Variants in ADAMTS19 observed in about 807,000 individuals in gnomAD.
ADAMTS19 encodes the protein ADAM metallopeptidase with thrombospondin type 1 motif 19.
A neutral mutation model predicts 153.3 loss-of-function variants in ADAMTS19; 93 were observed. The ratio of observed to expected loss-of-function variants is 0.61; its 90% confidence interval spans 0.51 to 0.72. ADAMTS19 has a LOEUF of 0.72. Among genes scored for constraint, ADAMTS19 ranks in the 30% least tolerant of loss-of-function variants. The probability of loss-of-function intolerance (pLI) is 0.00; values close to 1 mark genes in which losing one functional copy is unlikely to be tolerated. For missense variants in ADAMTS19, 1,482 were observed against 1,552.1 expected, an observed-to-expected ratio of 0.95 and a Z score of 0.76; for synonymous variants, 600 against 556.6, an observed-to-expected ratio of 1.08 and a Z score of -1.10.
chr5:129,707,199 T>C (rs1756202333), intron 21 of ADAMTS19, among the ~76,000 whole-genome samples: 1 of 152,178 alleles, frequency 6.6e-6, no homozygotes, highest in African/African-American at 2.4e-5. Flanking sequence ...CACTCAAGTT[T>C]GCATGGACTT....
chr5:129,584,703 G>C (rs149925202), intron 7 of ADAMTS19, among the ~76,000 whole-genome samples: 4,282 of 152,208 alleles, frequency 0.028, 203 homozygotes, highest in African/African-American at 0.097. Context: ...ACTGTGAGGG[G>C]TAAACCGCCT....
rs139295078 is a variant in ADAMTS19, at chr5:129,629,189, A to G, written c.1770+6841A>G. The stretch of plus-strand genomic sequence containing the variant: ...AAATATTTGATGAATAAGTGAATCG[A>G]TTGAATAATGGAGTACTGATTCTAA... On this transcript the variant is annotated intron_variant, in intron 10 of 22. Coordinates refer to ENST00000274487, the MANE Select transcript of ADAMTS19 (RefSeq NM_133638.6). Among the ~76,000 whole-genome samples the G allele has an allele frequency of 8.7e-4, 132 of 152,260 alleles. 1 individual carries two copies. The highest frequency in any genetic ancestry group is 4.1e-3 in the Admixed American group (63 of 15,272).
intron 21 of ADAMTS19, among the ~76,000 whole-genome samples, chr5:129,729,395 A>G (rs1235089471): frequency 6.6e-6 from 1 of 151,892 alleles, no homozygotes; most frequent in Non-Finnish European, 1.5e-5. Flanking sequence ...CATTTTCCAT[A>G]TATTTGTAAT....
chr5:129,533,560 A>G (rs951937806), intron 6 of ADAMTS19, among the ~76,000 whole-genome samples: 1 of 152,028 alleles, frequency 6.6e-6, no homozygotes, highest in Non-Finnish European at 1.5e-5. Context: ...GGATTCATTG[A>G]TTTTTTGAAG....
intron 2 of ADAMTS19, among the ~76,000 whole-genome samples, chr5:129,494,183 T>C (rs555455713): frequency 6.6e-6 from 1 of 152,294 alleles, no homozygotes; most frequent in African/African-American, 2.4e-5. Flanking sequence ...ATTTGAATTA[T>C]AAACAGAGAA....
rs956990830 is a variant in ADAMTS19 at position 129,461,176 on chromosome 5, C to A, written c.166C>A (p.Pro56Thr). Residue 56 changes from proline (P) to threonine (T), a missense_variant, in exon 2 of 23, where the codon CCG (proline) becomes ACG (threonine). By Grantham distance (38) the Pro-to-Thr change is conservative. This residue lies in a region of ADAMTS19 where 866 missense variants were observed against 827.7 expected (regional missense o/e 1.05). Coordinates refer to ENST00000274487, the MANE Select transcript of ADAMTS19 (RefSeq NM_133638.6). The surrounding 1 kb of genome is among the most constrained non-coding windows in gnomAD (Gnocchi z 4.6). ...GCTCTGGCGCCGGGAGCCGGTGGACCCGGCTGGCGGCAGCGGGGGCAGCGC... is the reference window on the plus strand; with the variant it reads ...GCTCTGGCGCCGGGAGCCGGTGGACACGGCTGGCGGCAGCGGGGGCAGCGC... ...PALWRREPVD[P>T]AGGSGGSADP... 235 of 1,374,020 alleles carry A rather than the reference C, an allele frequency of 1.7e-4. No individual in the cohort carries two copies. Among genetic ancestry groups the A allele is most frequent in the Non-Finnish European group, 2.1e-4 (228 of 1,060,976 alleles). 85.1% of individuals were successfully genotyped at this position (1,374,020 alleles called of 1,614,324 possible).
rs1297293431 is a variant in ADAMTS19 at position 129,679,928 on chromosome 5, G to A, written c.2664+7G>A. The A allele has an allele frequency of 6.2e-7, 1 of 1,609,232 alleles. No individual in the cohort carries two copies. The highest frequency in any genetic ancestry group is 1.7e-5 in the Admixed American group (1 of 58,880). On this transcript the variant is annotated splice_region_variant and intron_variant, in intron 17 of 22. Transcript: ENST00000274487. ...AGCACCTTTACATCTTCTGGTATGA[G>A]GGAATGAATTGATAACATGGCATAA...
chr5:129,688,369 A>T (rs30638), intron 18 of ADAMTS19, among the ~76,000 whole-genome samples: 17,271 of 152,134 alleles, frequency 0.11, 1,260 homozygotes, highest in East Asian at 0.3. Flanking sequence ...ATAAGATGTT[A>T]TTTTTCTAAT....
rs977377584 is a variant in ADAMTS19, at chr5:129,473,218, A to G, written c.747+11461A>G. On this transcript the variant is annotated intron_variant, in intron 2 of 22. Transcript: ENST00000274487. ...TAAAAAAAAAAAAAATTAACCTGCC[A>G]AGAGCAGTGGACAGGCAGGTGATTA... 7.9e-5 allele frequency among the ~76,000 whole-genome samples: 12 copies of G among 151,916 alleles called. 1 individual carries two copies. Among genetic ancestry groups the G allele is most frequent in the Admixed American group, 1.3e-4 (2 of 15,236 alleles).
chr5:129,713,725 C>T (rs917352463), intron 21 of ADAMTS19, among the ~76,000 whole-genome samples: 2 of 150,732 alleles, frequency 1.3e-5, no homozygotes, highest in Non-Finnish European at 2.9e-5. Flanking sequence ...CGTGCCACTG[C>T]ACTCTAGCCT....
At chr5:129,604,047 G>T (rs569030309) in intron 8 of ADAMTS19, among the ~76,000 whole-genome samples, 16 of 151,740 alleles carry the variant, frequency 1.1e-4, no homozygotes, top group Admixed American at 2.0e-4. Flanking sequence ...AAAGTACCAT[G>T]TTCCAGTGAG....
At position 129,525,021 on chromosome 5, in the gene ADAMTS19, C is replaced by CT. The variant is rs571757045; in HGVS notation, c.914-1259dup. ...TTTCACATGTTACAGCAGCTGGCTC[C>CT]TTTTCATTGCTATATAGTATTCCAT... is the stretch of plus-strand genomic sequence containing the variant. On this transcript the variant is annotated intron_variant, in intron 3 of 22. Coordinates refer to ENST00000274487, the MANE Select transcript of ADAMTS19 (RefSeq NM_133638.6). Among the ~76,000 whole-genome samples the CT allele has an allele frequency of 2.1e-3, 320 of 152,206 alleles. 1 individual carries two copies. Among genetic ancestry groups the CT allele is most frequent in the African/African-American group, 7.1e-3 (297 of 41,562 alleles).
chr5:129,737,296 C>A lies in ADAMTS19; in HGVS notation c.*78C>A. The A allele has an allele frequency of 7.8e-7, 1 of 1,287,970 alleles. No homozygotes were observed. The allele number at this position is 1,287,970 out of a possible 1,614,324, so 79.8% of individuals were successfully genotyped here. ...CACACACACTAGCATGTTTTTCAGA[C>A]CAAATATTATCAGATTACATATAAT... On this transcript the variant is annotated 3_prime_UTR_variant, in exon 23 of 23. Transcript: ENST00000274487.
chr5:129,685,645 T>C (rs1001402378), intron 18 of ADAMTS19, among the ~76,000 whole-genome samples: 2 of 151,984 alleles, frequency 1.3e-5, no homozygotes, highest in East Asian at 1.9e-4. Context: ...AGCAGAAGAA[T>C]TGAAGAAAGA....
At chr5:129,644,019 A>G (rs1488172558) in intron 11 of ADAMTS19, among the ~76,000 whole-genome samples, 1 of 120,288 alleles carries the variant, frequency 8.3e-6, no homozygotes, top group Non-Finnish European at 1.6e-5. Context: ...CTTTATTTTT[A>G]TATCTGGCAC....
Position 129,701,531 on chromosome 5 carries a change from C to T in ADAMTS19, c.3098C>T (p.Ser1033Phe). 1 of 1,614,218 alleles carries T rather than the reference C, an allele frequency of 6.2e-7. No homozygotes were observed. Among genetic ancestry groups the T allele is most frequent in the Non-Finnish European group, 8.5e-7 (1 of 1,180,032 alleles). ...ERDCIGPKPA[S>F]AQRCEGQDCM... is the part of the protein sequence containing the mutation. ...GACTGCATTGGGCCCAAGCCCGCCTCTGCCCAGCGCTGTGAGGGCCAGGAC... is the reference window on the plus strand; with the variant it reads ...GACTGCATTGGGCCCAAGCCCGCCTTTGCCCAGCGCTGTGAGGGCCAGGAC... Residue 1033 changes from serine (S) to phenylalanine (F), a missense_variant, in exon 20 of 23, where the codon TCT (serine) becomes TTT (phenylalanine). Coordinates refer to ENST00000274487, the MANE Select transcript of ADAMTS19 (RefSeq NM_133638.6).
chr5:129,682,209 A>G (rs1231896882), intron 17 of ADAMTS19, among the ~76,000 whole-genome samples: 1 of 152,202 alleles, frequency 6.6e-6, no homozygotes, highest in Non-Finnish European at 1.5e-5. Flanking sequence ...GAAGGCATCT[A>G]TGTGACCTGG....
chr5:129,691,773 C>A (rs186378322), intron 18 of ADAMTS19, among the ~76,000 whole-genome samples: 45 of 152,246 alleles, frequency 3.0e-4, no homozygotes, highest in Admixed American at 2.3e-3. Flanking sequence ...AAACTACTAA[C>A]ATGTCCCTAA....
At chr5:129,476,596 C>A (rs1484093529) in intron 2 of ADAMTS19, among the ~76,000 whole-genome samples, 1 of 152,078 alleles carries the variant, frequency 6.6e-6, no homozygotes, top group Non-Finnish European at 1.5e-5. Flanking sequence ...TAAACAGAAC[C>A]AAGGATATCA....
Sources: gnomAD v4.1 joint callset for allele counts (sites outside exome capture counted in the v4.1 genomes callset) on GRCh38, gnomAD v4.1.1 for gene constraint, gnomAD v4.1.1 regional missense constraint, Gnocchi (gnomAD v3.1) non-coding constraint, MANE v1.5 for transcripts, NCBI Gene and HGNC (gene_info 2026-07-23, HGNC 2026-07-21) for gene names.